The following TENM2 variants were observed in gnomAD, a reference collection of about 807,000 sequenced individuals.
The protein encoded by TENM2 is teneurin-2.
In TENM2, 52 loss-of-function variants were observed where a neutral mutation model predicts 245.2. The observed-to-expected ratio is 0.21, with a 90% CI of 0.17 to 0.27. TENM2 has a LOEUF of 0.27. TENM2 is among the 10% of genes least tolerant of loss of function. The pLI is 1.00. For missense variants in TENM2, 3,046 were observed against 3,666.8 expected (o/e 0.83, Z 4.37); for synonymous variants, 1,363 against 1,438.9 (o/e 0.95, Z 1.19).
At chr5:167,387,680 G>A (rs572723594) in intron 2 of TENM2, among the ~76,000 whole-genome samples, 2 of 152,158 alleles carry the variant, frequency 1.3e-5, no homozygotes, top group Admixed American at 1.3e-4. Context: ...TTATTATTTT[G>A]AGGTATGTCC....
At chr5:167,248,888 G>A in the TENM2 span, among the ~76,000 whole-genome samples, 1 of 151,984 alleles carries the variant, frequency 6.6e-6, no homozygotes, top group African/African-American at 2.4e-5. Context: ...TGTATACAAT[G>A]TGTGCTAGAA....
intron 2 of TENM2, among the ~76,000 whole-genome samples, chr5:167,643,125 G>T (rs1215191420): frequency 1.3e-5 from 2 of 152,120 alleles, no homozygotes; most frequent in African/African-American, 4.8e-5. Context: ...GGTATATTTT[G>T]TATGTCATAA....
At chr5:167,517,868 G>C (rs1176454874) in intron 2 of TENM2, among the ~76,000 whole-genome samples, 1 of 151,974 alleles carries the variant, frequency 6.6e-6, no homozygotes, top group Non-Finnish European at 1.5e-5. Context: ...GGAGTCGAGA[G>C]AGAGTCAGAT....
At chr5:167,122,833 G>A in the TENM2 span, among the ~76,000 whole-genome samples, 1 of 152,112 alleles carries the variant, frequency 6.6e-6, no homozygotes, top group African/African-American at 2.4e-5. Context: ...ACCTTAAATG[G>A]TGTTTCTGAT....
intron 1 of TENM2, chr5:167,303,255 G>A (rs144964611): frequency 0.011 from 1,737 of 158,028 alleles, 18 homozygotes; most frequent in Non-Finnish European, 0.017. Flanking sequence ...CCCGATCCCA[G>A]TCACTGCACC....
intron 2 of TENM2, among the ~76,000 whole-genome samples, chr5:167,470,527 G>A (rs920956464): frequency 3.7e-5 from 4 of 108,588 alleles, no homozygotes; most frequent in African/African-American, 1.4e-4. Context: ...AATTTAGTCT[G>A]GCTTTTATTT....
chr5:167,993,273 C>T (rs1394885867), intron 5 of TENM2, 91 bp downstream of exon 7: 1 of 1,041,544 alleles, frequency 9.6e-7, no homozygotes, highest in East Asian at 2.5e-5. Context: ...CCTCTGATGT[C>T]TGTACAGTTT....
chr5:167,505,701 C>G (rs1489745072), intron 2 of TENM2, among the ~76,000 whole-genome samples: 1 of 152,094 alleles, frequency 6.6e-6, no homozygotes, highest in African/African-American at 2.4e-5. Flanking sequence ...TATAGCAACA[C>G]ATAAAATAGA....
At chr5:168,234,754 T>C (rs1361201586) in intron 25 of TENM2, among the ~76,000 whole-genome samples, 1 of 152,210 alleles carries the variant, frequency 6.6e-6, no homozygotes, top group Non-Finnish European at 1.5e-5. Flanking sequence ...GGAAAGCATA[T>C]AACCACGCTC....
intron 2 of TENM2, among the ~76,000 whole-genome samples, chr5:167,815,593 C>T (rs1317345949): frequency 6.6e-6 from 1 of 152,142 alleles, no homozygotes; most frequent in Non-Finnish European, 1.5e-5. Context: ...GGAATGGCTT[C>T]TCCTATAGTT....
intron 22 of TENM2, among the ~76,000 whole-genome samples, chr5:168,217,164 G>T (rs1356519300): frequency 1.3e-5 from 2 of 152,174 alleles, no homozygotes; most frequent in African/African-American, 4.8e-5. Context: ...AGTGGAACTG[G>T]TGACACACTC....
At chr5:167,627,232 C>T (rs1054168744) in intron 2 of TENM2, among the ~76,000 whole-genome samples, 6 of 152,038 alleles carry the variant, frequency 3.9e-5, no homozygotes, top group African/African-American at 7.2e-5. Flanking sequence ...GTAAGTAAGG[C>T]TTGTTAAAAA....
chr5:167,006,642 A>G, the TENM2 span, among the ~76,000 whole-genome samples: 1 of 151,912 alleles, frequency 6.6e-6, no homozygotes, highest in African/African-American at 2.4e-5. Context: ...ATTCAGAACT[A>G]CATATTCCAT....
At chr5:167,460,329 C>A (rs73363817) in intron 2 of TENM2, among the ~76,000 whole-genome samples, 11,058 of 152,182 alleles carry the variant, frequency 0.073, 797 homozygotes, top group East Asian at 0.22. Flanking sequence ...TGGTTTAAAA[C>A]CATTTTCATA....
At chr5:168,166,240 A>T (rs9632432) in intron 13 of TENM2, among the ~76,000 whole-genome samples, 88,775 of 151,936 alleles carry the variant, frequency 0.58, 28,621 homozygotes, top group African/African-American at 0.88. Context: ...GGGGAGCAGC[A>T]GCAATGAACA....
the TENM2 span, among the ~76,000 whole-genome samples, chr5:167,099,811 G>A: frequency 2.0e-5 from 3 of 152,190 alleles, no homozygotes; most frequent in Non-Finnish European, 4.4e-5. Context: ...AAACTAAAAT[G>A]TTGATCCCTT....
chr5:167,593,681 C>T (rs375548137), intron 2 of TENM2, among the ~76,000 whole-genome samples: 67 of 152,246 alleles, frequency 4.4e-4, no homozygotes, highest in African/African-American at 1.5e-3. Flanking sequence ...ATTTGCCTTT[C>T]GATGATAATG....
At chr5:167,620,459 G>C (rs1329333040) in intron 2 of TENM2, among the ~76,000 whole-genome samples, 1 of 151,402 alleles carries the variant, frequency 6.6e-6, no homozygotes, top group African/African-American at 2.4e-5. Context: ...CTTGTGAATA[G>C]GTTGGGATTA....
chr5:167,887,994 G>A (rs553176132), intron 3 of TENM2, among the ~76,000 whole-genome samples: 1 of 152,246 alleles, frequency 6.6e-6, no homozygotes, highest in East Asian at 1.9e-4. Context: ...CTCCCTGCGT[G>A]TGTCTGTCGG....
Sources: allele counts gnomAD v4.1 joint callset (sites outside exome capture counted in the v4.1 genomes callset), GRCh38; gene constraint gnomAD v4.1.1; transcripts MANE v1.5; gene names NCBI Gene and HGNC (gene_info 2026-07-23, HGNC 2026-07-21).